Variants in JMJD1C observed in about 807,000 individuals in gnomAD.
The protein encoded by JMJD1C is jumonji domain containing 1C, also known as jumonji domain-containing protein 1C.
In JMJD1C, 31 loss-of-function variants were observed where a neutral mutation model predicts 245.3. That is an observed-to-expected ratio of 0.13 (90% CI 0.09 to 0.17). The LOEUF is 0.17. Ranked by LOEUF, JMJD1C falls within the 10% of genes least tolerant of loss-of-function variation. The pLI is 1.00. For synonymous variants in JMJD1C, 1,057 were observed against 1,017.4 expected, an observed-to-expected ratio of 1.04 and a Z score of -0.74; for missense variants, 2,691 against 3,000.2, an observed-to-expected ratio of 0.90 and a Z score of 2.41.
chr10:63,237,827 G>T (rs1850928043), intron 3 of JMJD1C, among the ~76,000 whole-genome samples: 1 of 151,616 alleles, frequency 6.6e-6, no homozygotes, highest in African/African-American at 2.4e-5. Context: ...TAGATTTTTG[G>T]ATTAGGGATA....
In JMJD1C at chr10:63,213,705, C is replaced by G; in HGVS notation, c.2462G>C (p.Ser821Thr). ...TGCTAGCGCTAAGTGGCTCAAGCTG[C>G]TGGCATGAGCACTCTCTAGTCGTGG... Reference protein sequence around the residue: ...GHPRLESAHASSLSHLALAHQ... With the variant: ...GHPRLESAHATSLSHLALAHQ... The change falls in exon 8 of 26, where the codon AGC (serine) becomes ACC (threonine). Residue 821 changes from serine to threonine, a missense_variant. Physicochemically the swap from Ser to Thr is moderately conservative, Grantham distance 58. Coordinates refer to ENST00000399262, the MANE Select transcript of JMJD1C (RefSeq NM_032776.3). The G allele has an allele frequency of 1.2e-6, 2 of 1,614,160 alleles. No homozygotes were observed. Among genetic ancestry groups the G allele is most frequent in the Non-Finnish European group, 1.7e-6 (2 of 1,179,994 alleles).
chr10:63,391,724 G>A (rs1461898034), intron 1 of JMJD1C, among the ~76,000 whole-genome samples: 1 of 152,052 alleles, frequency 6.6e-6, no homozygotes, highest in Non-Finnish European at 1.5e-5. Context: ...ATTGTCTGAA[G>A]CGATACAAAG....
intron 3 of JMJD1C, among the ~76,000 whole-genome samples, chr10:63,231,817 CAA>C (rs2133395117): frequency 6.6e-6 from 1 of 152,158 alleles, no homozygotes; most frequent in East Asian, 1.9e-4. Flanking sequence ...TAAAATAAAA[CAA>C]GAAAATAGAC....
chr10:63,466,726 T>G (rs1953304331), upstream of JMJD1C, among the ~76,000 whole-genome samples: 1 of 152,066 alleles, frequency 6.6e-6, no homozygotes, highest in Admixed American at 6.6e-5. Flanking sequence ...AATCCCCAGA[T>G]TCAGTTATTA....
chr10:63,343,146 G>C (rs1943521038), intron 2 of JMJD1C, among the ~76,000 whole-genome samples: 2 of 152,120 alleles, frequency 1.3e-5, no homozygotes, highest in African/African-American at 2.4e-5. Flanking sequence ...CAGACCGCTT[G>C]AGCTCAGGAA....
intron 11 of JMJD1C, among the ~76,000 whole-genome samples, chr10:63,199,796 C>A (rs2133074474): frequency 6.6e-6 from 1 of 152,284 alleles, no homozygotes; most frequent in Middle Eastern, 3.4e-3. Context: ...GGGCTACCAG[C>A]ATAGAGTATT....
intron 1 of JMJD1C, among the ~76,000 whole-genome samples, chr10:63,441,490 G>A (rs1951382896): frequency 6.6e-6 from 1 of 152,168 alleles, no homozygotes; most frequent in African/African-American, 2.4e-5. Flanking sequence ...TCAAGATTAA[G>A]ACAATACGTA....
chr10:63,307,932 T>C (rs1478262731), intron 2 of JMJD1C, among the ~76,000 whole-genome samples: 1 of 151,960 alleles, frequency 6.6e-6, no homozygotes, highest in Admixed American at 6.6e-5. Flanking sequence ...GGCGGATCAC[T>C]TGAGGTCAGG....
intron 2 of JMJD1C, among the ~76,000 whole-genome samples, chr10:63,362,782 A>C (rs1431201810): frequency 6.6e-6 from 1 of 152,130 alleles, no homozygotes; most frequent in Non-Finnish European, 1.5e-5. Flanking sequence ...TGCCTGGCCT[A>C]GTATATTGTA....
intron 2 of JMJD1C, among the ~76,000 whole-genome samples, chr10:63,316,884 T>C (rs1323482273): frequency 6.6e-6 from 1 of 152,156 alleles, no homozygotes; most frequent in East Asian, 1.9e-4. Flanking sequence ...AGATGGAGTC[T>C]TGCTCTGTTG....
chr10:63,227,729 C>G (rs571685577), intron 3 of JMJD1C, among the ~76,000 whole-genome samples: 1 of 152,196 alleles, frequency 6.6e-6, no homozygotes, highest in East Asian at 1.9e-4. Context: ...ACCATAAAAG[C>G]AATTATTTTG....
chr10:63,521,319 GA>G (rs5785577), intron 1 of JMJD1C: 147,953 of 147,966 alleles, frequency 1, 73,970 homozygotes, highest in Middle Eastern at 1. Context: ...GTGCTGTCCG[GA>G]CTAGGCTGCC....
intron 2 of JMJD1C, among the ~76,000 whole-genome samples, chr10:63,342,004 T>C (rs1224491096): frequency 6.6e-6 from 1 of 152,190 alleles, no homozygotes; most frequent in Non-Finnish European, 1.5e-5. Flanking sequence ...TATTCAGTGA[T>C]GATGGTGAAC....
rs1267781972 is a variant in JMJD1C, at chr10:63,213,752, A to C, written c.2415T>G (p.Thr805=). ...LLPTVLPGVP[T]ASLLGGHPRL... ...GTGGGTGGCCACCAAGTAAGGAGGC[A>C]GTAGGCACTCCAGGTAACACAGTGG... The change falls in exon 8 of 26, where the codon ACT becomes ACG. Residue 805 remains threonine (T), a synonymous_variant. Transcript: ENST00000399262. 1.2e-6 allele frequency: 2 copies of C among 1,614,170 alleles called. No homozygotes were observed. The highest frequency in any genetic ancestry group is 3.3e-5 in the Admixed American group (2 of 60,018).
At chr10:63,291,540 G>A (rs1347040860) in intron 2 of JMJD1C, among the ~76,000 whole-genome samples, 1 of 151,490 alleles carries the variant, frequency 6.6e-6, no homozygotes, top group Non-Finnish European at 1.5e-5. Context: ...GCTTGAACCC[G>A]CGAGGCAGAG....
intron 2 of JMJD1C, chr10:63,301,732 G>A (rs1189597136): frequency 1.8e-5 from 8 of 449,724 alleles, no homozygotes; most frequent in South Asian, 9.4e-5. Flanking sequence ...CCTTGATGAC[G>A]CAGCAAACCA....
intron 3 of JMJD1C, chr10:63,222,852 C>T (rs772361988): frequency 2.5e-5 from 36 of 1,444,468 alleles, no homozygotes; most frequent in Non-Finnish European, 3.3e-5. Context: ...AGTACACATG[C>T]TGGATCAAAA....
chr10:63,203,687 G>A (rs1428955603), intron 10 of JMJD1C: 2 of 983,562 alleles, frequency 2.0e-6, no homozygotes, highest in African/African-American at 3.5e-5. Context: ...GAAACAAAAA[G>A]GTAGCAGAGA....
intron 2 of JMJD1C, among the ~76,000 whole-genome samples, chr10:63,373,331 A>G (rs767105271): frequency 3.9e-5 from 6 of 152,208 alleles, no homozygotes; most frequent in Non-Finnish European, 8.8e-5. Flanking sequence ...GAGGAACCAG[A>G]CAATTCCAGA....
Sources: gnomAD v4.1 joint callset for allele counts (sites outside exome capture counted in the v4.1 genomes callset) on GRCh38, gnomAD v4.1.1 for gene constraint, MANE v1.5 for transcripts, NCBI Gene and HGNC (gene_info 2026-07-23, HGNC 2026-07-21) for gene names.